L3MBTL2: variants seen among roughly 807,000 people sequenced by gnomAD.
L3MBTL2 encodes the protein L3MBTL histone methyl-lysine binding protein 2, also known as lethal(3)malignant brain tumor-like protein 2.
A neutral mutation model predicts 86.4 loss-of-function variants in L3MBTL2; 49 were observed. The observed-to-expected ratio is 0.57, with a 90% CI of 0.45 to 0.72. The LOEUF (loss-of-function observed/expected upper bound fraction) is 0.72. Among genes scored for constraint, L3MBTL2 ranks in the 30% least tolerant of loss-of-function variants. The pLI is 0.00. For synonymous variants in L3MBTL2, 336 were observed against 350.6 expected, an observed-to-expected ratio of 0.96 and a Z score of 0.47; for missense variants, 755 against 923.7, an observed-to-expected ratio of 0.82 and a Z score of 2.37.
Position 41,227,066 on chromosome 22 carries a change from A to G in L3MBTL2, c.1588-23A>G. On this transcript the variant is annotated intron_variant, in intron 13 of 16. Coordinates refer to ENST00000216237, the MANE Select transcript of L3MBTL2 (RefSeq NM_031488.5). This position sits in a 1 kb window ranked among gnomAD's most constrained non-coding sequence, Gnocchi z 6.0. ...GGGTAGGGAGCTGACTGGCTTGGCC[A>G]CTGCCTCCTTTTTCTGCCCCAGGAT... is the stretch of plus-strand genomic sequence containing the variant. 3.2e-6 allele frequency: 5 copies of G among 1,585,328 alleles called. No individual in the cohort carries two copies. Among genetic ancestry groups the G allele is most frequent in the Non-Finnish European group, 4.3e-6 (5 of 1,165,752 alleles).
intron 2 of L3MBTL2, among the ~76,000 whole-genome samples, chr22:41,210,181 G>A (rs1464590146): frequency 7.7e-6 from 1 of 129,932 alleles, no homozygotes; most frequent in Non-Finnish European, 1.5e-5. Context: ...CTTGAGTGTC[G>A]CCCTGTTGCT....
At chr22:41,219,685 G>A (rs914481202) in intron 6 of L3MBTL2, 149 bp downstream of exon 6, 14 of 610,798 alleles carry the variant, frequency 2.3e-5, no homozygotes, top group South Asian at 7.4e-5. Flanking sequence ...TTCTTTTACC[G>A]GAGAAGGGAA....
rs138794273 is a variant in L3MBTL2 at position 41,209,975 on chromosome 22, G to T, written c.262+42G>T. On this transcript the variant is annotated intron_variant, in intron 2 of 16. Coordinates refer to ENST00000216237, the MANE Select transcript of L3MBTL2 (RefSeq NM_031488.5). ...CCCTGAGGATGGAGAGGAGATAGAA[G>T]ATTATAGAGGAAGAGGGGGGTGGAT... The T allele has an allele frequency of 3.3e-5, 53 of 1,600,024 alleles. 1 individual carries two copies. The East Asian group carries it at 1.1e-3, about 34-fold the overall frequency.
At chr22:41,228,445 G>C (rs1030100602) in intron 15 of L3MBTL2, 34 of 985,328 alleles carry the variant, frequency 3.5e-5, no homozygotes, top group Non-Finnish European at 4.1e-5. Context: ...AGCGGGCAAA[G>C]CCATCCTTCA....
intron 3 of L3MBTL2, among the ~76,000 whole-genome samples, chr22:41,215,104 T>C (rs1013987887): frequency 6.6e-6 from 1 of 152,188 alleles, no homozygotes; most frequent in Non-Finnish European, 1.5e-5. Context: ...GTGATCCTAA[T>C]GTGCAGCGAA....
At chr22:41,218,265 C>G (rs553679616) in intron 5 of L3MBTL2, 1 of 152,336 alleles carries the variant, frequency 6.6e-6, no homozygotes, top group South Asian at 2.1e-4. Context: ...ATAATCCCAG[C>G]ACTTTGGGAG....
At chr22:41,216,305 G>T (rs1004694318) in intron 4 of L3MBTL2, 43 bp downstream of exon 4, 8 of 1,597,702 alleles carry the variant, frequency 5.0e-6, no homozygotes, top group Non-Finnish European at 6.8e-6. Flanking sequence ...GCCGTGGCTG[G>T]GGAGGAGACT....
intron 1 of L3MBTL2, chr22:41,209,436 C>A: frequency 2.4e-6 from 1 of 413,654 alleles, no homozygotes; most frequent in Non-Finnish European, 4.5e-6. Context: ...CTATTTGAAC[C>A]ATGTTAAAAT....
Position 41,229,558 on chromosome 22 carries a change from C to T in L3MBTL2, c.1907C>T (p.Thr636Ile). Residue 636 changes from threonine (T) to isoleucine (I), a missense_variant, in exon 16 of 17, where the codon ACT (threonine) becomes ATT (isoleucine). Coordinates refer to ENST00000216237, the MANE Select transcript of L3MBTL2 (RefSeq NM_031488.5). ...FGKKRKRIPP[T>I]KTRPLRQGSK... ...TTCAAAGGGAAAAGAATCCCGCCCA[C>T]TAAGACGCGACCCCTCAGACAGGGG... The T allele has an allele frequency of 6.2e-7, 1 of 1,612,082 alleles. No individual in the cohort carries two copies. The highest frequency in any genetic ancestry group is 8.5e-7 in the Non-Finnish European group (1 of 1,178,376).
chr22:41,209,475 CTGG>C, intron 1 of L3MBTL2: 2 of 514,670 alleles, frequency 3.9e-6, no homozygotes, highest in Non-Finnish European at 7.1e-6. Flanking sequence ...ACAGAGGAGC[CTGG>C]TGAATTCCTA....
chr22:41,226,984 G>T, intron 13 of L3MBTL2, 105 bp from the exon 14 acceptor site: 1 of 1,018,204 alleles, frequency 9.8e-7, no homozygotes, highest in Non-Finnish European at 1.4e-6. Flanking sequence ...AGCCATTCCA[G>T]TCCCCGCCCC....
At chr22:41,211,015 G>A (rs1229314235) in intron 2 of L3MBTL2, among the ~76,000 whole-genome samples, 1 of 152,104 alleles carries the variant, frequency 6.6e-6, no homozygotes, top group African/African-American at 2.4e-5. Flanking sequence ...ACCCTGGGTA[G>A]GAGGACTGGG....
At chr22:41,223,853 C>T (rs2031998816) in intron 8 of L3MBTL2, among the ~76,000 whole-genome samples, 167 bp from the exon 9 acceptor site, 1 of 152,136 alleles carries the variant, frequency 6.6e-6, no homozygotes, top group Non-Finnish European at 1.5e-5. Flanking sequence ...CCTAGGGAGT[C>T]AGGGCCAAGG....
At chr22:41,216,023 G>A in intron 3 of L3MBTL2, 116 bp from the exon 4 acceptor site, 1 of 1,164,470 alleles carries the variant, frequency 8.6e-7, no homozygotes, top group Non-Finnish European at 1.2e-6. Context: ...TGAAGAAACT[G>A]AAGCCCAAAA....
rs770955511 is a variant in L3MBTL2 at position 41,213,963 on chromosome 22, C to T, written c.333C>T (p.Ser111=). 26 of 1,613,894 alleles carry T rather than the reference C, an allele frequency of 1.6e-5. No individual in the cohort carries two copies. The highest frequency in any genetic ancestry group is 1.3e-4 in the Admixed American group (8 of 59,992). The change falls in exon 3 of 17, where the codon AGC becomes AGT. Residue 111 remains serine (S), a synonymous_variant. Coordinates refer to ENST00000216237, the MANE Select transcript of L3MBTL2 (RefSeq NM_031488.5). ...AFFSKTKRFC[S]VSCSRSYSSN... is the part of the protein sequence containing the mutation. ...TCTCCAAGACCAAGAGGTTCTGCAGCGTCTCCTGCTCCAGGAGCTACTCCT... is the reference window on the plus strand; with the variant it reads ...TCTCCAAGACCAAGAGGTTCTGCAGTGTCTCCTGCTCCAGGAGCTACTCCT...
chr22:41,223,436 A>G (rs1226083230), intron 8 of L3MBTL2, among the ~76,000 whole-genome samples: 1 of 152,204 alleles, frequency 6.6e-6, no homozygotes, highest in Admixed American at 6.5e-5. Flanking sequence ...ACCATCCCTC[A>G]TTAGGTCAGT....
chr22:41,221,408 A>G (rs1224337389), intron 8 of L3MBTL2, 121 bp downstream of exon 8: 2 of 842,562 alleles, frequency 2.4e-6, no homozygotes, highest in Non-Finnish European at 3.9e-6. Context: ...CAGCAGCTCC[A>G]CATTTTGCAA....
At position 41,227,919 on chromosome 22, in the gene L3MBTL2, G is replaced by A. The variant is rs372111735; in HGVS notation, c.1888+50G>A. On this transcript the variant is annotated intron_variant, in intron 15 of 16. Transcript: ENST00000216237. This position sits in a 1 kb window ranked among gnomAD's most constrained non-coding sequence, Gnocchi z 6.0. ...GGCTGGTGTGGGCCTGGGAGCAGTG[G>A]GCCTGCGTCCCTGGGAGCAGGCGGG... 37 of 1,599,560 alleles carry A rather than the reference G, an allele frequency of 2.3e-5. No homozygotes were observed. The African/African-American group carries it at 4.8e-4, about 21-fold the overall frequency.
At chr22:41,229,763 G>A in intron 16 of L3MBTL2, 107 bp downstream of exon 16, 2 of 1,577,236 alleles carry the variant, frequency 1.3e-6, no homozygotes, top group African/African-American at 2.7e-5. Context: ...AGGTTTCTTT[G>A]GCATTTTCTG....
Sources: gnomAD v4.1 joint callset for allele counts (sites outside exome capture counted in the v4.1 genomes callset) on GRCh38, gnomAD v4.1.1 for gene constraint, Gnocchi (gnomAD v3.1) non-coding constraint, MANE v1.5 for transcripts, NCBI Gene and HGNC (gene_info 2026-07-23, HGNC 2026-07-21) for gene names.